GRAMD1A: variants seen among roughly 807,000 people sequenced by gnomAD.
The protein encoded by GRAMD1A is protein Aster-A.
GRAMD1A carries 50 observed loss-of-function variants against 92.0 expected under a neutral mutation model. The observed-to-expected ratio is 0.54, with a 90% CI of 0.43 to 0.69. The LOEUF is 0.69. GRAMD1A is among the 30% of genes least tolerant of loss of function. The probability of loss-of-function intolerance (pLI) is 0.00; values close to 1 mark genes in which losing one functional copy is unlikely to be tolerated. For missense variants in GRAMD1A, 819 were observed against 978.9 expected, an observed-to-expected ratio of 0.84 and a Z score of 2.18; for synonymous variants, 405 against 403.6, an observed-to-expected ratio of 1.00 and a Z score of -0.04.
chr19:35,022,700 C>G (rs1020615133), intron 16 of GRAMD1A, among the ~76,000 whole-genome samples, 200 bp from the exon 17 acceptor site: 1 of 102,852 alleles, frequency 9.7e-6, no homozygotes, highest in Non-Finnish European at 2.1e-5. Flanking sequence ...GAAGCAGGAT[C>G]CCGGGGTTGA....
At position 35,000,439 on chromosome 19, in the gene GRAMD1A, C is replaced by CCCTGCCCTGT; in HGVS notation, c.-31_-30insTCCTGCCCTG. The CCCTGCCCTGT allele has an allele frequency of 8.0e-7, 1 of 1,243,190 alleles. No homozygotes were observed. Among genetic ancestry groups the CCCTGCCCTGT allele is most frequent in the Non-Finnish European group, 1.0e-6 (1 of 990,634 alleles). The allele number at this position is 1,243,190 out of a possible 1,614,324, so 77.0% of individuals were successfully genotyped here. A position where few individuals can be genotyped will look rare whatever the true frequency, so the allele number is the denominator to read the frequency against. ...CGCAGCCCAGCCCTGCCCTGCCCTGCCCTGCCCTGCGCCCGGGGCGCGCCC... is the reference window on the plus strand; with the variant it reads ...CGCAGCCCAGCCCTGCCCTGCCCTGCCCTGCCCTGTCCTGCCCTGCGCCCGGGGCGCGCCC... On this transcript the variant is annotated 5_prime_UTR_variant, in exon 1 of 20. Coordinates refer to ENST00000317991, the MANE Select transcript of GRAMD1A (RefSeq NM_020895.5). This position sits in a 1 kb window ranked among gnomAD's most constrained non-coding sequence, Gnocchi z 4.9.
At chr19:35,016,602 AG>A in intron 11 of GRAMD1A, among the ~76,000 whole-genome samples, 1 of 78,744 alleles carries the variant, frequency 1.3e-5, no homozygotes, top group Admixed American at 1.9e-4. Flanking sequence ...TCAAAAAAAC[AG>A]GGGCGGGGGG....
intron 11 of GRAMD1A, among the ~76,000 whole-genome samples, chr19:35,018,674 G>C (rs1248756337): frequency 6.6e-6 from 1 of 152,202 alleles, no homozygotes; most frequent in Non-Finnish European, 1.5e-5. Flanking sequence ...AGGGAAGGCT[G>C]GCAGGGGCAC....
At chr19:34,999,927 A>G (rs1034199881), upstream of GRAMD1A, 10 of 936,288 alleles carry the variant, frequency 1.1e-5, no homozygotes, top group East Asian at 4.7e-4. Flanking sequence ...TCCCCCATAC[A>G]TACACCTCGG....
chr19:34,996,850 C>T (rs2014058680), upstream of GRAMD1A, among the ~76,000 whole-genome samples: 2 of 151,808 alleles, frequency 1.3e-5, no homozygotes, highest in Admixed American at 1.3e-4. Context: ...GGACCCCACC[C>T]AGTGTTTTTC....
Position 35,009,112 on chromosome 19 carries a change from C to A in GRAMD1A, c.9-7C>A. ...GTTAACACTTCTCTTCCTCTTCCTG[C>A]CCCCAGCACCACACCCCACTCTGGC... On this transcript the variant is annotated splice_polypyrimidine_tract_variant and splice_region_variant and intron_variant, in intron 1 of 19. Coordinates refer to ENST00000317991, the MANE Select transcript of GRAMD1A (RefSeq NM_020895.5). The A allele has an allele frequency of 6.3e-7, 1 of 1,596,434 alleles. No individual in the cohort carries two copies. Among genetic ancestry groups the A allele is most frequent in the Non-Finnish European group, 8.6e-7 (1 of 1,164,308 alleles).
upstream of GRAMD1A, among the ~76,000 whole-genome samples, chr19:34,999,190 C>G (rs1016007613): frequency 1.3e-5 from 2 of 151,826 alleles, no homozygotes; most frequent in East Asian, 1.9e-4. Context: ...TAGAATGGAG[C>G]GATTGATTTT....
chr19:34,995,869 C>T (rs1191624798), upstream of GRAMD1A: 1 of 628,912 alleles, frequency 1.6e-6, no homozygotes, highest in Non-Finnish European at 2.7e-6. Context: ...AAGCATGAGC[C>T]ACTGCGCCTG....
intron 3 of GRAMD1A, 71 bp downstream of exon 3, chr19:35,009,514 C>A (rs1311021657): frequency 2.0e-5 from 31 of 1,528,656 alleles, no homozygotes; most frequent in Non-Finnish European, 3.6e-6. Context: ...CCCCAGGCTG[C>A]AACAGTCAAG....
intron 9 of GRAMD1A, 101 bp from the exon 10 acceptor site, chr19:35,014,088 C>A: frequency 8.9e-7 from 1 of 1,119,610 alleles, no homozygotes; most frequent in Non-Finnish European, 1.3e-6. Flanking sequence ...CACACCACCC[C>A]GGGTCTGCAC....
intron 19 of GRAMD1A, among the ~76,000 whole-genome samples, chr19:35,025,720 T>C (rs1254941392): frequency 6.6e-6 from 1 of 152,146 alleles, no homozygotes; most frequent in African/African-American, 2.4e-5. Context: ...GTGGAGCAGA[T>C]GTGTTATAGA....
intron 11 of GRAMD1A, 112 bp downstream of exon 11, chr19:35,016,079 G>A (rs1411521299): frequency 1.7e-6 from 2 of 1,172,054 alleles, no homozygotes; most frequent in South Asian, 2.9e-5. Flanking sequence ...AAGGCGAGGT[G>A]GTGAAAAGCA....
intron 17 of GRAMD1A, 88 bp downstream of exon 17, chr19:35,022,999 C>A: frequency 9.1e-7 from 1 of 1,095,402 alleles, no homozygotes; most frequent in Non-Finnish European, 1.3e-6. Context: ...CCCCCCAGCT[C>A]CCCCAGGGAG....
Position 35,010,338 on chromosome 19 carries a change from C to T in GRAMD1A, c.484C>T (p.Leu162=). 6.2e-7 allele frequency: 1 copy of T among 1,613,860 alleles called. No homozygotes were observed. Among genetic ancestry groups the T allele is most frequent in the Non-Finnish European group, 8.5e-7 (1 of 1,179,706 alleles). Reference sequence around the variant, plus strand: ...TCTGAAGAAGGAAAAGACGGCCAAGCTGATCCCCAACGCCATCCAGATCTG... The same window carrying T: ...TCTGAAGAAGGAAAAGACGGCCAAGTTGATCCCCAACGCCATCCAGATCTG... ...TCLKKEKTAK[L]IPNAIQICTE... is the part of the protein sequence containing the mutation. The change falls in exon 6 of 20, where the codon CTG becomes TTG. Residue 162 remains leucine (L), a synonymous_variant. Transcript: ENST00000317991.
chr19:35,025,554 T>C (rs11879585), intron 19 of GRAMD1A, among the ~76,000 whole-genome samples: 32,402 of 151,992 alleles, frequency 0.21, 3,947 homozygotes, highest in African/African-American at 0.34. Flanking sequence ...GTTATCCCGG[T>C]TTTATACATA....
At chr19:34,999,910 G>C (rs2014218744), upstream of GRAMD1A, 1 of 739,822 alleles carries the variant, frequency 1.4e-6, no homozygotes, top group African/African-American at 1.9e-5. Context: ...GCCAGCTTCA[G>C]GCCCCCTCCC....
rs767135726 is a variant in GRAMD1A at position 35,021,734 on chromosome 19, C to G, written c.1623C>G (p.Gly541=). The G allele has an allele frequency of 1.2e-6, 2 of 1,613,896 alleles. No individual in the cohort carries two copies. Among genetic ancestry groups the G allele is most frequent in the Non-Finnish European group, 1.7e-6 (2 of 1,179,996 alleles). The change falls in exon 15 of 20, where the codon GGC becomes GGG. Residue 541 remains glycine (G), a synonymous_variant. Transcript: ENST00000317991. The surrounding 1 kb of genome is among the most constrained non-coding windows in gnomAD (Gnocchi z 5.3). The part of the protein sequence containing the change: ...AKAEKLSLEE[G]GKDARGLLSG... Reference sequence around the variant, plus strand: ...CTGAGAAGCTGTCTCTGGAGGAAGGCGGGAAGGATGCCCGGGGCTTGCTAT... The same window carrying G: ...CTGAGAAGCTGTCTCTGGAGGAAGGGGGGAAGGATGCCCGGGGCTTGCTAT...
rs113669648 is a variant in GRAMD1A at position 35,000,942 on chromosome 19, G to A, written c.8+456G>A. ...CGCCGGGAGTAGGCAGCCCCCTCCT[G>A]CCTGGGCCCCCTCCCACCGTCCTTG... is the stretch of plus-strand genomic sequence containing the variant. On this transcript the variant is annotated intron_variant, in intron 1 of 19. Coordinates refer to ENST00000317991, the MANE Select transcript of GRAMD1A (RefSeq NM_020895.5). This position sits in a 1 kb window ranked among gnomAD's most constrained non-coding sequence, Gnocchi z 4.9. 2.2e-3 allele frequency among the ~76,000 whole-genome samples: 339 copies of A among 152,108 alleles called. 4 individuals carry two copies. Among genetic ancestry groups the A allele is most frequent in the African/African-American group, 7.8e-3 (324 of 41,498 alleles).
chr19:35,017,785 C>G (rs546273814), intron 11 of GRAMD1A, among the ~76,000 whole-genome samples: 13 of 152,126 alleles, frequency 8.5e-5, no homozygotes, highest in African/African-American at 3.1e-4. Flanking sequence ...TCCCAGATAC[C>G]CCCAGATACT....
Sources: gnomAD v4.1 joint callset for allele counts (sites outside exome capture counted in the v4.1 genomes callset) on GRCh38, gnomAD v4.1.1 for gene constraint, Gnocchi (gnomAD v3.1) non-coding constraint, MANE v1.5 for transcripts, NCBI Gene and HGNC (gene_info 2026-07-23, HGNC 2026-07-21) for gene names.